ATP13A3: variants seen among roughly 807,000 people sequenced by gnomAD.
ATP13A3 encodes the protein ATPase 13A3.
Under a neutral mutation model 158.1 loss-of-function variants are expected in ATP13A3, and 59 were observed. The ratio of observed to expected loss-of-function variants is 0.37; its 90% CI spans 0.30 to 0.46. ATP13A3 has a LOEUF of 0.46. Ranked by LOEUF, ATP13A3 falls within the 20% of genes least tolerant of loss-of-function variation. The pLI, the probability that ATP13A3 is intolerant of heterozygous loss-of-function variation, is 1.00. For synonymous variants in ATP13A3, 491 were observed against 504.3 expected, an observed-to-expected ratio of 0.97 and a Z score of 0.35; for missense variants, 1,166 against 1,525.2, an observed-to-expected ratio of 0.76 and a Z score of 3.92.
chr3:194,454,119 G>T (rs1719024340), intron 9 of ATP13A3, 139 bp downstream of exon 9: 2 of 906,400 alleles, frequency 2.2e-6, no homozygotes, highest in South Asian at 1.8e-5. Flanking sequence ...AAAGGGAGGG[G>T]AGAAGGAGCA....
intron 33 of ATP13A3, among the ~76,000 whole-genome samples, chr3:194,406,767 T>C (rs1714968232): frequency 1.3e-5 from 2 of 152,218 alleles, no homozygotes; most frequent in Admixed American, 1.3e-4. Context: ...TCTCAAAACA[T>C]GAAGTAAATA....
Position 194,413,774 on chromosome 3 carries a change from C to T in ATP13A3, c.3468G>A (p.Val1156=). 6.2e-7 allele frequency: 1 copy of T among 1,613,570 alleles called. No individual in the cohort carries two copies. The highest frequency in any genetic ancestry group is 8.5e-7 in the Non-Finnish European group (1 of 1,179,510). Residue 1156 remains valine (V), a synonymous_variant, in exon 32 of 34, where the codon GTG becomes GTA. Transcript: ENST00000645319. The part of the protein sequence containing the change: ...MLIIVLVNAF[V]SITVENFFLD... ...AAGTGCTTACCTCCACTGTGATAGA[C>T]ACAAAGGCATTGACAAGAACAATGA... is the stretch of plus-strand genomic sequence containing the variant.
At chr3:194,493,288 G>A (rs570244430) in intron 2 of ATP13A3, among the ~76,000 whole-genome samples, 1 of 152,256 alleles carries the variant, frequency 6.6e-6, no homozygotes, top group East Asian at 1.9e-4. Flanking sequence ...CCTGATGGAT[G>A]ACTGAATGAA....
intron 29 of ATP13A3, among the ~76,000 whole-genome samples, chr3:194,426,062 C>T (rs371091471): frequency 9.9e-5 from 15 of 152,158 alleles, no homozygotes; most frequent in South Asian, 2.1e-4. Flanking sequence ...AAACAGCTAA[C>T]GATGAGAAGT....
intron 2 of ATP13A3, among the ~76,000 whole-genome samples, chr3:194,473,121 C>A (rs1035136897): frequency 9.9e-5 from 15 of 152,250 alleles, no homozygotes; most frequent in African/African-American, 3.4e-4. Context: ...CAAACCTGCA[C>A]AGGTATTCCC....
chr3:194,433,968 AAT>A, intron 20 of ATP13A3, 72 bp from the exon 21 acceptor site: 1 of 1,421,054 alleles, frequency 7.0e-7, no homozygotes, highest in Non-Finnish European at 9.6e-7. Flanking sequence ...ACAAACTTGA[AAT>A]ATCTAAACAA....
chr3:194,477,908 T>C (rs1459049318), intron 2 of ATP13A3, among the ~76,000 whole-genome samples: 1 of 152,226 alleles, frequency 6.6e-6, no homozygotes, highest in Non-Finnish European at 1.5e-5. Flanking sequence ...TACCTCTGTG[T>C]CTTTGTTTTA....
At chr3:194,482,922 A>G (rs1189821175) in intron 2 of ATP13A3, among the ~76,000 whole-genome samples, 2 of 152,134 alleles carry the variant, frequency 1.3e-5, no homozygotes, top group Non-Finnish European at 2.9e-5. Flanking sequence ...ACTGGTCAAC[A>G]TGGTGAAACC....
chr3:194,447,241 T>C, intron 13 of ATP13A3, 126 bp from the exon 14 acceptor site: 1 of 733,928 alleles, frequency 1.4e-6, no homozygotes, highest in Non-Finnish European at 2.2e-6. Context: ...TATGTGTGTG[T>C]ATATACATAT....
Position 194,448,512 on chromosome 3 carries a change from A to T in ATP13A3, c.1095T>A (p.Val365=). Residue 365 remains valine (V), a synonymous_variant, in exon 12 of 34, where the codon GTT becomes GTA. Transcript: ENST00000645319. This position sits in a 1 kb window ranked among gnomAD's most constrained non-coding sequence, Gnocchi z 4.0. ...KRHTLFCGTT[V]IQTRFYTGEL... ...CTCCAGTGTAGAAACGAGTCTGAAT[A>T]ACAGTTGTCCCACAAAACAAAGTAT... 6.2e-7 allele frequency: 1 copy of T among 1,614,132 alleles called. No homozygotes were observed. Among genetic ancestry groups the T allele is most frequent in the Non-Finnish European group, 8.5e-7 (1 of 1,179,998 alleles).
chr3:194,482,516 CTT>C (rs1560117836), intron 2 of ATP13A3, among the ~76,000 whole-genome samples: 2 of 152,180 alleles, frequency 1.3e-5, no homozygotes, highest in African/African-American at 4.8e-5. Flanking sequence ...GAGCCCAGAA[CTT>C]TTTCATTTTT....
chr3:194,492,349 A>T (rs1047165234), intron 2 of ATP13A3, among the ~76,000 whole-genome samples: 3 of 152,164 alleles, frequency 2.0e-5, no homozygotes, highest in African/African-American at 7.2e-5. Flanking sequence ...CTCGATATCT[A>T]CAGGGAATTG....
rs756160677 is a variant in ATP13A3, at chr3:194,428,925, A to G, written c.2875-8T>C. 2 of 1,534,696 alleles carry G rather than the reference A, an allele frequency of 1.3e-6. No individual in the cohort carries two copies. Among genetic ancestry groups the G allele is most frequent in the Non-Finnish European group, 1.8e-6 (2 of 1,125,688 alleles). On this transcript the variant is annotated splice_polypyrimidine_tract_variant and splice_region_variant and intron_variant, in intron 27 of 33. Coordinates refer to ENST00000645319, the MANE Select transcript of ATP13A3 (RefSeq NM_001367549.1). ...TCCTAGGTTACTTAAGATCTACAGA[A>G]GTAATTTTAAAAACATTATTAGTTT...
chr3:194,461,328 A>T lies in ATP13A3; in HGVS notation c.52-497T>A, dbSNP rs563386560. Among the ~76,000 whole-genome samples the T allele has an allele frequency of 2.0e-5, 3 of 152,340 alleles. No individual in the cohort carries two copies. In the East Asian group the frequency reaches 5.8e-4, roughly 29 times the overall value. On this transcript the variant is annotated intron_variant, in intron 3 of 33. Transcript: ENST00000645319. The stretch of plus-strand genomic sequence containing the variant: ...ACATTTCCTGGTACATTTGTTAAGA[A>T]TTAATAGATTAACACTGCTGTATTA...
In ATP13A3 at chr3:194,475,295, T is replaced by A. The variant is rs73892206; in HGVS notation, c.-47+10499A>T. 2.1e-3 allele frequency among the ~76,000 whole-genome samples: 326 copies of A among 152,310 alleles called. 2 individuals carry two copies. Among genetic ancestry groups the A allele is most frequent in the African/African-American group, 7.4e-3 (309 of 41,566 alleles). On this transcript the variant is annotated intron_variant, in intron 2 of 33. Coordinates refer to ENST00000645319, the MANE Select transcript of ATP13A3 (RefSeq NM_001367549.1). ...TGTGCAATTTGAAACAAAGCAAAATTAGTTTTCCTCATGATCTACATACAC... is the reference window on the plus strand; with the variant it reads ...TGTGCAATTTGAAACAAAGCAAAATAAGTTTTCCTCATGATCTACATACAC...
At chr3:194,467,658 A>G (rs1270828945) in intron 2 of ATP13A3, among the ~76,000 whole-genome samples, 1 of 152,174 alleles carries the variant, frequency 6.6e-6, no homozygotes, top group Non-Finnish European at 1.5e-5. Flanking sequence ...GACAACTCCA[A>G]CAGCTCTTAC....
chr3:194,464,612 A>G (rs1455626352), intron 2 of ATP13A3, among the ~76,000 whole-genome samples: 1 of 152,226 alleles, frequency 6.6e-6, no homozygotes, highest in Non-Finnish European at 1.5e-5. Flanking sequence ...AACACCGTAC[A>G]GGCCTACTAT....
intron 31 of ATP13A3, among the ~76,000 whole-genome samples, chr3:194,418,149 A>AG (rs767955034): frequency 4.6e-5 from 7 of 152,222 alleles, no homozygotes; most frequent in Non-Finnish European, 8.8e-5. Context: ...TATGCGTAAG[A>AG]GAAAAAAAGA....
chr3:194,455,111 A>C (rs1360533552), intron 8 of ATP13A3, among the ~76,000 whole-genome samples: 4 of 152,246 alleles, frequency 2.6e-5, no homozygotes, highest in African/African-American at 4.8e-5. Flanking sequence ...CTCAAAACAC[A>C]AATTTACTTA....
Sources: allele counts gnomAD v4.1 joint callset (sites outside exome capture counted in the v4.1 genomes callset), GRCh38; gene constraint gnomAD v4.1.1; non-coding constraint Gnocchi (gnomAD v3.1); transcripts MANE v1.5; gene names NCBI Gene and HGNC (gene_info 2026-07-23, HGNC 2026-07-21).